The following KIF11 variants were observed in gnomAD, a reference collection of about 807,000 sequenced individuals.
The protein encoded by KIF11 is kinesin-like protein KIF11.
A neutral mutation model predicts 121.0 loss-of-function variants in KIF11; 9 were observed. That is an observed-to-expected ratio of 0.07 (90% confidence interval 0.04 to 0.13). KIF11 has a LOEUF of 0.13. Ranked by LOEUF, KIF11 falls within the 10% of genes least tolerant of loss-of-function variation. The pLI, the probability that KIF11 is intolerant of heterozygous loss-of-function variation, is 1.00. For missense variants in KIF11, 846 were observed against 1,217.5 expected, an observed-to-expected ratio of 0.69 and a Z score of 4.54; for synonymous variants, 408 against 421.0, an observed-to-expected ratio of 0.97 and a Z score of 0.38.
chr10:92,593,496 G>A, intron 1 of KIF11, 44 bp downstream of exon 1: 3 of 1,557,152 alleles, frequency 1.9e-6, no homozygotes, highest in East Asian at 2.3e-5. Context: ...CGGCTTCGCT[G>A]CTGGGCCCCC....
At chr10:92,614,063 C>T (rs1226598368) in intron 8 of KIF11, among the ~76,000 whole-genome samples, 5 of 119,556 alleles carry the variant, frequency 4.2e-5, no homozygotes, top group Non-Finnish European at 6.9e-5. Context: ...CACACACACA[C>T]ACATATAGTA....
Position 92,593,146 on chromosome 10 carries a change from G to C in KIF11, c.-230G>C, listed in dbSNP as rs1370931131. 2.0e-6 allele frequency: 1 copy of C among 507,494 alleles called. No homozygotes were observed. Among genetic ancestry groups the C allele is most frequent in the Non-Finnish European group, 3.5e-6 (1 of 282,654 alleles). 31.4% of individuals were successfully genotyped at this position (507,494 alleles called of 1,614,324 possible). A position where few individuals can be genotyped will look rare whatever the true frequency, so the allele number is the denominator to read the frequency against. On this transcript the variant is annotated 5_prime_UTR_variant, in exon 1 of 22. Transcript: ENST00000260731. ...TCGTTGCTTAGTTTCTGGGGATTCGGGCGGAGACGAGATTAGTGATTTGGC... is the reference window on the plus strand; with the variant it reads ...TCGTTGCTTAGTTTCTGGGGATTCGCGCGGAGACGAGATTAGTGATTTGGC...
rs995734248 is a variant in KIF11 at position 92,634,442 on chromosome 10, G to T, written c.1875+647G>T. On this transcript the variant is annotated intron_variant, in intron 14 of 21. Coordinates refer to ENST00000260731, the MANE Select transcript of KIF11 (RefSeq NM_004523.4). ...GTGCCACCACGCCTGGCTAATTTTC[G>T]TATTTTTTTTTAGTAGAGATGGTGT... Among the ~76,000 whole-genome samples the T allele has an allele frequency of 3.3e-5, 5 of 150,644 alleles. No homozygotes were observed. In the South Asian group the frequency reaches 1.0e-3, roughly 31 times the overall value.
At chr10:92,642,081 G>A (rs1844871111) in intron 17 of KIF11, among the ~76,000 whole-genome samples, 1 of 150,838 alleles carries the variant, frequency 6.6e-6, no homozygotes. Context: ...ATTTTTTGAT[G>A]GCTGCTTTAA....
Position 92,653,816 on chromosome 10 carries a change from T to C in KIF11, c.*20T>C, listed in dbSNP as rs1315729102. 6.3e-7 allele frequency: 1 copy of C among 1,590,396 alleles called. No individual in the cohort carries two copies. The highest frequency in any genetic ancestry group is 1.1e-5 in the South Asian group (1 of 87,328). On this transcript the variant is annotated 3_prime_UTR_variant, in exon 22 of 22. Transcript: ENST00000260731. ...CTTTAATTCACTTGGGGGTTGGCAA[T>C]TTTATTTTTAAAGAAAACTTAAAAA... is the stretch of plus-strand genomic sequence containing the variant.
At chr10:92,605,612 G>A (rs1411848428) in intron 1 of KIF11, among the ~76,000 whole-genome samples, 2 of 149,748 alleles carry the variant, frequency 1.3e-5, no homozygotes, top group Non-Finnish European at 3.0e-5. Context: ...TCAGCCTCCC[G>A]AGTAGCAGGG....
chr10:92,610,796 T>C (rs1335878099), intron 6 of KIF11, among the ~76,000 whole-genome samples: 7 of 152,142 alleles, frequency 4.6e-5, no homozygotes, highest in Non-Finnish European at 1.0e-4. Flanking sequence ...CTAAAAAAGT[T>C]TGCATTTAAA....
At chr10:92,639,434 T>A (rs1454714220) in intron 16 of KIF11, among the ~76,000 whole-genome samples, 3 of 151,910 alleles carry the variant, frequency 2.0e-5, no homozygotes, top group Admixed American at 6.6e-5. Flanking sequence ...CAAAAAAAAT[T>A]TGTTTAAATT....
intron 6 of KIF11, 83 bp from the exon 7 acceptor site, chr10:92,612,957 C>A: frequency 4.0e-6 from 3 of 743,880 alleles, no homozygotes; most frequent in South Asian, 1.9e-5. Flanking sequence ...GGATTTAGAT[C>A]TTCTTTCCTG....
At chr10:92,649,415 C>A (rs1844956832) in intron 19 of KIF11, among the ~76,000 whole-genome samples, 1 of 152,084 alleles carries the variant, frequency 6.6e-6, no homozygotes, top group Non-Finnish European at 1.5e-5. Context: ...GCCTGGGCAA[C>A]ATAGTATATG....
intron 10 of KIF11, among the ~76,000 whole-genome samples, chr10:92,627,041 CGTG>C (rs1198921545): frequency 6.6e-6 from 1 of 152,162 alleles, no homozygotes; most frequent in Admixed American, 6.5e-5. Flanking sequence ...GGATTACAGG[CGTG>C]AGCCACCGCG....
chr10:92,597,810 C>G (rs987854109), intron 1 of KIF11, among the ~76,000 whole-genome samples: 3 of 151,184 alleles, frequency 2.0e-5, no homozygotes, highest in African/African-American at 7.3e-5. Context: ...CGCCACCACG[C>G]CTGGCTAATT....
At chr10:92,649,120 CTTTT>C (rs11285704) in intron 19 of KIF11, among the ~76,000 whole-genome samples, 7 of 144,702 alleles carry the variant, frequency 4.8e-5, no homozygotes, top group South Asian at 2.2e-4. Context: ...TCACAAAACT[CTTTT>C]TTTTTTTTAA....
intron 21 of KIF11, among the ~76,000 whole-genome samples, chr10:92,651,507 G>GTTTATTTTT (rs1844980543): frequency 1.9e-5 from 1 of 52,958 alleles, no homozygotes; most frequent in Non-Finnish European, 4.2e-5. Flanking sequence ...GGCTAATTTT[G>GTTTATTTTT]TTTTTTTTTT....
Position 92,648,201 on chromosome 10 carries a change from A to C in KIF11, c.2548-11A>C. ...ATTTTAGTAATAAATATTTATTTGCATCATTTACAGGTTGTAAGCCAATGT... is the reference window on the plus strand; with the variant it reads ...ATTTTAGTAATAAATATTTATTTGCCTCATTTACAGGTTGTAAGCCAATGT... On this transcript the variant is annotated splice_polypyrimidine_tract_variant and intron_variant, in intron 18 of 21. Transcript: ENST00000260731. The C allele has an allele frequency of 1.3e-6, 2 of 1,517,688 alleles. No homozygotes were observed. The highest frequency in any genetic ancestry group is 2.4e-5 in the South Asian group (2 of 83,062). The allele number at this position is 1,517,688 out of a possible 1,614,324, so 94.0% of individuals were successfully genotyped here.
intron 1 of KIF11, among the ~76,000 whole-genome samples, chr10:92,605,604 A>C (rs1644745481): frequency 6.7e-6 from 1 of 149,144 alleles, no homozygotes; most frequent in East Asian, 2.0e-4. Context: ...CTCCTGCCTC[A>C]GCCTCCCGAG....
Position 92,601,562 on chromosome 10 carries a change from G to A in KIF11, c.78-4703G>A, listed in dbSNP as rs149762471. On this transcript the variant is annotated intron_variant, in intron 1 of 21. Transcript: ENST00000260731. The stretch of plus-strand genomic sequence containing the variant: ...TAGCTAGAACTTACAGTATTATGTC[G>A]AATGGAAGTGGCAAAAGTGGGCATT... Among the ~76,000 whole-genome samples, 912 of 151,496 alleles carry A rather than the reference G, an allele frequency of 6.0e-3. 10 individuals are homozygous for A. Among genetic ancestry groups the A allele is most frequent in the African/African-American group, 0.02 (847 of 41,350 alleles).
chr10:92,651,959 AC>A (rs1382521665), intron 21 of KIF11, among the ~76,000 whole-genome samples: 1 of 109,044 alleles, frequency 9.2e-6, no homozygotes. Flanking sequence ...ATATGCTTGT[AC>A]CTTTTTTTTT....
chr10:92,634,043 G>T (rs2135917096), intron 14 of KIF11, among the ~76,000 whole-genome samples: 1 of 152,182 alleles, frequency 6.6e-6, no homozygotes, highest in African/African-American at 2.4e-5. Flanking sequence ...GAGTGCAGTG[G>T]CGTGATCTCG....
Sources: gnomAD v4.1 joint callset for allele counts (sites outside exome capture counted in the v4.1 genomes callset) on GRCh38, gnomAD v4.1.1 for gene constraint, MANE v1.5 for transcripts, NCBI Gene and HGNC (gene_info 2026-07-23, HGNC 2026-07-21) for gene names.